The following TTC13 variants were observed in gnomAD, a reference collection of about 807,000 sequenced individuals.
TTC13 encodes tetratricopeptide repeat domain 13.
Under a neutral mutation model 120.0 loss-of-function variants are expected in TTC13, and 62 were observed. The ratio of observed to expected loss-of-function variants is 0.52; its 90% CI spans 0.42 to 0.64. The LOEUF is 0.64. TTC13 is among the 30% of genes least tolerant of loss of function. The probability of loss-of-function intolerance (pLI) is 0.00; values close to 1 mark genes in which losing one functional copy is unlikely to be tolerated. For missense variants in TTC13, 824 were observed against 1,050.2 expected, an observed-to-expected ratio of 0.78 and a Z score of 2.98; for synonymous variants, 384 against 393.5, an observed-to-expected ratio of 0.98 and a Z score of 0.28.
At chr1:230,909,041 G>A (rs1671229446) in intron 20 of TTC13, 21 bp from the exon 21 acceptor site, 1 of 1,606,696 alleles carries the variant, frequency 6.2e-7, no homozygotes, top group African/African-American at 1.3e-5. Context: ...AAAGAACAAA[G>A]GTCAATCCAT....
chr1:230,929,712 A>G (rs1309079687), intron 11 of TTC13, among the ~76,000 whole-genome samples: 1 of 152,198 alleles, frequency 6.6e-6, no homozygotes, highest in Non-Finnish European at 1.5e-5. Context: ...TCTCAGATAG[A>G]GCCTGGTACT....
Position 230,978,748 on chromosome 1 carries a change from A to C in TTC13, c.83T>G (p.Leu28Arg). The part of the protein sequence containing the change: ...AAAGAARRVL[L>R]LLLLGVLSAG... ...GGACAGGACCCCCAGCAGCAGCAGC[A>C]GCAGGACACGCCGGGCGGCGCCCGC... The change falls in exon 1 of 23, where the codon CTG (leucine) becomes CGG (arginine). Residue 28 changes from leucine to arginine, a missense_variant. By Grantham distance (102) the Leu-to-Arg change is moderately radical. Around this residue, in one of 4 missense-constraint regions of TTC13, gnomAD observed 160 missense variants for 137.2 expected, o/e 1.17. Transcript: ENST00000366661. The surrounding 1 kb of genome is among the most constrained non-coding windows in gnomAD (Gnocchi z 5.6). The C allele has an allele frequency of 6.7e-7, 1 of 1,501,454 alleles. No individual in the cohort carries two copies. Among genetic ancestry groups the C allele is most frequent in the Admixed American group, 2.2e-5 (1 of 46,414 alleles). The allele number at this position is 1,501,454 out of a possible 1,614,324, so 93.0% of individuals were successfully genotyped here.
chr1:230,916,082 A>T (rs1202459367), intron 18 of TTC13, 111 bp downstream of exon 18: 10 of 806,948 alleles, frequency 1.2e-5, no homozygotes, highest in Non-Finnish European at 2.2e-5. Context: ...GATACTTTTC[A>T]TTTCAGGATG....
intron 1 of TTC13, among the ~76,000 whole-genome samples, chr1:230,967,368 T>A (rs1410525554): frequency 6.6e-6 from 1 of 151,886 alleles, no homozygotes. Context: ...GAGACTGATG[T>A]ACTTCACCAT....
intron 11 of TTC13, 104 bp from the exon 12 acceptor site, chr1:230,929,197 T>A (rs558966116): frequency 2.4e-6 from 3 of 1,225,146 alleles, no homozygotes; most frequent in African/African-American, 1.5e-5. Context: ...TCTTCAATTA[T>A]AAGAATTCTA....
chr1:230,912,876 T>G (rs1168847748), intron 18 of TTC13, 118 bp from the exon 19 acceptor site: 2 of 878,710 alleles, frequency 2.3e-6, no homozygotes, highest in Admixed American at 2.6e-5. Flanking sequence ...TATACAAGAA[T>G]GTACCTTACC....
At position 230,936,049 on chromosome 1, in the gene TTC13, G is replaced by C. The variant is rs535515659; in HGVS notation, c.901-2188C>G. ...ACAGGAGAAAGGGCAGCTGCAGGTG[G>C]GGATGGGGTGGGGCAGGAGGGAATA... On this transcript the variant is annotated intron_variant, in intron 8 of 22. Transcript: ENST00000366661. 69 of 378,356 alleles carry C rather than the reference G, an allele frequency of 1.8e-4. 1 individual carries two copies. The highest frequency in any genetic ancestry group is 1.3e-3 in the African/African-American group (63 of 47,486). The allele number at this position is 378,356 out of a possible 1,614,324, so 23.4% of individuals were successfully genotyped here. A position where few individuals can be genotyped will look rare whatever the true frequency, so the allele number is the denominator to read the frequency against.
intron 15 of TTC13, among the ~76,000 whole-genome samples, chr1:230,923,442 A>G (rs1672772680): frequency 1.3e-5 from 2 of 152,000 alleles, no homozygotes; most frequent in Non-Finnish European, 2.9e-5. Context: ...CCACCGTGAG[A>G]GACTCCACCA....
intron 11 of TTC13, among the ~76,000 whole-genome samples, chr1:230,930,267 A>C (rs1425858551): frequency 6.6e-6 from 1 of 152,226 alleles, no homozygotes; most frequent in Non-Finnish European, 1.5e-5. Flanking sequence ...ATTATGTTAT[A>C]TATTGAATGG....
At position 230,936,124 on chromosome 1, in the gene TTC13, T is replaced by C. The variant is rs1303914301; in HGVS notation, c.901-2263A>G. 3 of 454,256 alleles carry C rather than the reference T, an allele frequency of 6.6e-6. No homozygotes were observed. In the East Asian group the frequency reaches 2.1e-4, roughly 32 times the overall value. The allele number at this position is 454,256 out of a possible 1,614,324, so 28.1% of individuals were successfully genotyped here. ...TCTGGAGTGCTTGTGGACAGCTAGG[T>C]GGAGACGCCCAGGGGGCTGCCCACT... On this transcript the variant is annotated intron_variant, in intron 8 of 22. Transcript: ENST00000366661.
chr1:230,931,067 T>C (rs574744849), intron 11 of TTC13, among the ~76,000 whole-genome samples: 23 of 152,350 alleles, frequency 1.5e-4, no homozygotes, highest in African/African-American at 5.5e-4. Flanking sequence ...TAAAAAATGT[T>C]TTAACTTTAG....
chr1:230,958,113 C>T (rs1020140197), intron 3 of TTC13, 111 bp downstream of exon 3: 24 of 1,039,988 alleles, frequency 2.3e-5, no homozygotes, highest in Non-Finnish European at 3.4e-5. Context: ...TCAAACAGCT[C>T]AAATTGGCAA....
At position 230,923,867 on chromosome 1, in the gene TTC13, AC is replaced by A; in HGVS notation, c.1787del (p.Gly596ValfsTer8). 1 of 1,613,642 alleles carries A rather than the reference AC, an allele frequency of 6.2e-7. No individual in the cohort carries two copies. Among genetic ancestry groups the A allele is most frequent in the Non-Finnish European group, 8.5e-7 (1 of 1,179,768 alleles). On this transcript the variant is annotated frameshift_variant, in exon 15 of 23. Coordinates refer to ENST00000366661, the MANE Select transcript of TTC13 (RefSeq NM_024525.5). LOFTEE classifies it high-confidence loss of function. ...DQMPARSLSR[G>X]FNNHINLIRG... ...TGATTAAATTAATGTGGTTGTTAAAACCTCTGCTAAGACTTCGTGCTGGCAT... is the reference window on the plus strand; with the variant it reads ...TGATTAAATTAATGTGGTTGTTAAAACTCTGCTAAGACTTCGTGCTGGCAT...
In TTC13 at chr1:230,944,866, A is replaced by G. The variant is rs961034959; in HGVS notation, c.579+523T>C. Among the ~76,000 whole-genome samples, 1 of 152,162 alleles carries G rather than the reference A, an allele frequency of 6.6e-6. No homozygotes were observed. Among genetic ancestry groups the G allele is most frequent in the South Asian group, 2.1e-4 (1 of 4,824 alleles). On this transcript the variant is annotated intron_variant, in intron 5 of 22. Transcript: ENST00000366661. This position sits in a 1 kb window ranked among gnomAD's most constrained non-coding sequence, Gnocchi z 4.0. ...TTACTATATAATTTCAGGAGTCTTCATTTTTATACCATAGTACCTTTGTTT... is the reference window on the plus strand; with the variant it reads ...TTACTATATAATTTCAGGAGTCTTCGTTTTTATACCATAGTACCTTTGTTT...
chr1:230,923,700 C>T (rs1438104435), intron 15 of TTC13, 141 bp downstream of exon 15: 1 of 643,628 alleles, frequency 1.6e-6, no homozygotes, highest in South Asian at 2.1e-5. Context: ...AGGCAGGACT[C>T]CACAGGTGCA....
At chr1:230,971,569 T>A (rs2103005297) in intron 1 of TTC13, among the ~76,000 whole-genome samples, 1 of 152,316 alleles carries the variant, frequency 6.6e-6, no homozygotes, top group South Asian at 2.1e-4. Context: ...TGCTGATTAT[T>A]AAATTATAAA....
intron 4 of TTC13, among the ~76,000 whole-genome samples, chr1:230,953,361 A>G (rs1675764667): frequency 6.6e-6 from 1 of 152,232 alleles, no homozygotes; most frequent in South Asian, 2.1e-4. Flanking sequence ...TGAATCATTT[A>G]AATTAAGTCT....
intron 17 of TTC13, 52 bp from the exon 18 acceptor site, chr1:230,916,354 C>A (rs1272550736): frequency 7.7e-7 from 1 of 1,306,532 alleles, no homozygotes; most frequent in African/African-American, 1.5e-5. Context: ...CACTGTAAAC[C>A]CCAACTGCAA....
chr1:230,952,740 T>C (rs1377793678), intron 4 of TTC13, among the ~76,000 whole-genome samples: 2 of 152,086 alleles, frequency 1.3e-5, no homozygotes, highest in South Asian at 2.1e-4. Flanking sequence ...CTGATAAACA[T>C]TTACAGCATA....
Sources: gnomAD v4.1 joint callset for allele counts (sites outside exome capture counted in the v4.1 genomes callset) on GRCh38, gnomAD v4.1.1 for gene constraint, gnomAD v4.1.1 regional missense constraint, Gnocchi (gnomAD v3.1) non-coding constraint, MANE v1.5 for transcripts, NCBI Gene and HGNC (gene_info 2026-07-23, HGNC 2026-07-21) for gene names.